Variants in ASCC3 observed in about 807,000 individuals in gnomAD.
ASCC3 encodes the protein activating signal cointegrator 1 complex subunit 3.
Under a neutral mutation model 256.3 loss-of-function variants are expected in ASCC3, and 158 were observed. The ratio of observed to expected loss-of-function variants is 0.62; its 90% CI spans 0.54 to 0.70. The LOEUF (loss-of-function observed/expected upper bound fraction) is 0.70. ASCC3 is among the 30% of genes least tolerant of loss of function. ASCC3 has a pLI of 0.00. For synonymous variants in ASCC3, 948 were observed against 883.4 expected, an observed-to-expected ratio of 1.07 and a Z score of -1.30; for missense variants, 2,259 against 2,626.0, an observed-to-expected ratio of 0.86 and a Z score of 3.05.
At chr6:100,714,518 C>T (rs1778998616) in intron 13 of ASCC3, among the ~76,000 whole-genome samples, 1 of 152,028 alleles carries the variant, frequency 6.6e-6, no homozygotes, top group African/African-American at 2.4e-5. Flanking sequence ...ACTCCATTTT[C>T]CTCATCTGTC....
chr6:100,821,287 A>G (rs1418280350), intron 4 of ASCC3, among the ~76,000 whole-genome samples: 1 of 152,204 alleles, frequency 6.6e-6, no homozygotes, highest in Non-Finnish European at 1.5e-5. Flanking sequence ...AAGCGCTGGG[A>G]TTATAGGCAT....
intron 2 of ASCC3, among the ~76,000 whole-genome samples, chr6:100,866,507 C>G (rs936396769): frequency 6.6e-6 from 1 of 152,188 alleles, no homozygotes. Context: ...CATATATACC[C>G]TCAAAATTCA....
intron 36 of ASCC3, among the ~76,000 whole-genome samples, chr6:100,552,331 CT>C (rs1409855477): frequency 6.6e-6 from 1 of 151,750 alleles, no homozygotes; most frequent in Non-Finnish European, 1.5e-5. Context: ...AAATATGATT[CT>C]TAAAGTGTTA....
rs1469852677 is a variant in ASCC3, at chr6:100,650,552, C to A, written c.3238G>T (p.Ala1080Ser). 6.2e-7 allele frequency: 1 copy of A among 1,612,522 alleles called. No homozygotes were observed. Among genetic ancestry groups the A allele is most frequent in the South Asian group, 1.1e-5 (1 of 91,046 alleles). ...AAGATACTTACCTGTGCAACATATG[C>A]AGAATCTGATATAAGGGAGAAACTG... ...MDSFSLISDSAYVAQNAARIV... is the reference protein window; with the variant it reads ...MDSFSLISDSSYVAQNAARIV... The change falls in exon 20 of 42, where the codon GCA becomes TCA. Residue 1080 changes from alanine to serine, a missense_variant. Ala to Ser is a moderately conservative substitution (Grantham distance 99). Around this residue, in one of 2 missense-constraint regions of ASCC3, gnomAD observed 1,839 missense variants for 2,206.7 expected, o/e 0.83. Transcript: ENST00000369162.
intron 13 of ASCC3, among the ~76,000 whole-genome samples, chr6:100,690,676 A>G (rs1055489968): frequency 1.3e-5 from 2 of 152,162 alleles, no homozygotes; most frequent in African/African-American, 4.8e-5. Flanking sequence ...GGGTTAATTT[A>G]TGCTGCCCTA....
chr6:100,846,361 T>C (rs562279819), intron 4 of ASCC3, among the ~76,000 whole-genome samples: 3 of 152,328 alleles, frequency 2.0e-5, no homozygotes, highest in African/African-American at 7.2e-5. Flanking sequence ...ATGACAATGA[T>C]TGTCCATTTT....
chr6:100,570,115 T>G (rs1482673998), intron 36 of ASCC3, among the ~76,000 whole-genome samples: 2 of 152,180 alleles, frequency 1.3e-5, no homozygotes, highest in East Asian at 3.9e-4. Context: ...TGTTACTGAT[T>G]TTTGTACACT....
At chr6:100,758,054 A>G (rs1781264475) in intron 10 of ASCC3, among the ~76,000 whole-genome samples, 1 of 152,126 alleles carries the variant, frequency 6.6e-6, no homozygotes, top group Non-Finnish European at 1.5e-5. Context: ...ATCGGCTACC[A>G]TCCCACCCAG....
chr6:100,683,567 C>G (rs1485345178), intron 13 of ASCC3, among the ~76,000 whole-genome samples: 4 of 151,866 alleles, frequency 2.6e-5, no homozygotes, highest in Non-Finnish European at 4.4e-5. Flanking sequence ...GGTTAATTAA[C>G]TTAAATAGAC....
chr6:100,510,055 T>C lies in ASCC3; in HGVS notation c.6338A>G (p.Glu2113Gly). The change falls in exon 41 of 42, where the codon GAA becomes GGA. Residue 2113 changes from glutamate (E) to glycine (G), a missense_variant. Glu to Gly is a moderately conservative substitution (Grantham distance 98). This residue lies in a region of ASCC3 where 1,839 missense variants were observed against 2,206.7 expected (regional missense o/e 0.83). Coordinates refer to ENST00000369162, the MANE Select transcript of ASCC3 (RefSeq NM_006828.4). The stretch of plus-strand genomic sequence containing the variant: ...TTCTCCTAATATCAAAAACCATCCT[T>C]CGTCTTTTGATTTGGGAAATCGAGG... ...VTPRFPKSKD[E>G]GWFLILGEVD... 6.2e-7 allele frequency: 1 copy of C among 1,614,186 alleles called. No individual in the cohort carries two copies. The highest frequency in any genetic ancestry group is 8.5e-7 in the Non-Finnish European group (1 of 1,180,020).
chr6:100,871,953 G>C (rs1773763477), intron 1 of ASCC3, among the ~76,000 whole-genome samples: 1 of 152,182 alleles, frequency 6.6e-6, no homozygotes, highest in Non-Finnish European at 1.5e-5. Context: ...AGGAAGTAAG[G>C]TATACAATGG....
At chr6:100,776,293 TC>T (rs939514512) in intron 8 of ASCC3, among the ~76,000 whole-genome samples, 1 of 152,144 alleles carries the variant, frequency 6.6e-6, no homozygotes, top group Non-Finnish European at 1.5e-5. Context: ...TGATCATTTA[TC>T]TTAAGTGCTT....
At chr6:100,707,479 T>C (rs1324398358) in intron 13 of ASCC3, among the ~76,000 whole-genome samples, 2 of 152,054 alleles carry the variant, frequency 1.3e-5, no homozygotes, top group Non-Finnish European at 1.5e-5. Context: ...CCAGTGATTA[T>C]TTTTTCCCCT....
At chr6:100,581,077 A>C (rs1771217512) in intron 36 of ASCC3, among the ~76,000 whole-genome samples, 1 of 152,072 alleles carries the variant, frequency 6.6e-6, no homozygotes, top group Non-Finnish European at 1.5e-5. Context: ...CATGATTTAT[A>C]GTCCTTTGGG....
At chr6:100,866,072 C>A (rs11155720) in intron 2 of ASCC3, among the ~76,000 whole-genome samples, 101,650 of 151,740 alleles carry the variant, frequency 0.67, 34,338 homozygotes, top group East Asian at 0.7. Flanking sequence ...CAGGTTCAAG[C>A]AATTCTCCTG....
In ASCC3 at chr6:100,736,321, G is replaced by T. The variant is rs188747764; in HGVS notation, c.1738-10618C>A. Among the ~76,000 whole-genome samples, 115 of 152,168 alleles carry T rather than the reference G, an allele frequency of 7.6e-4. 1 individual carries two copies. The East Asian group carries it at 0.018, about 24-fold the overall frequency. On this transcript the variant is annotated intron_variant, in intron 10 of 41. Coordinates refer to ENST00000369162, the MANE Select transcript of ASCC3 (RefSeq NM_006828.4). ...AGATCGAGACCATCCTGGCCAACAT[G>T]GTGAAACCCCATCTCTACTAAAAAT...
intron 34 of ASCC3, among the ~76,000 whole-genome samples, chr6:100,599,926 G>T (rs1263318723): frequency 6.6e-6 from 1 of 152,018 alleles, no homozygotes; most frequent in Non-Finnish European, 1.5e-5. Context: ...AATTAATACA[G>T]AATTAGAATG....
Position 100,589,512 on chromosome 6 carries a change from G to T in ASCC3, c.5550+122C>A, listed in dbSNP as rs1310813949. 5.2e-6 allele frequency: 6 copies of T among 1,149,544 alleles called. 1 individual carries two copies. The highest frequency in any genetic ancestry group is 7.5e-6 in the Non-Finnish European group (6 of 801,540). The allele number at this position is 1,149,544 out of a possible 1,614,324, so 71.2% of individuals were successfully genotyped here. ...TAGTCTAGATGTGTTGCTTTGTAGTGACCTTGTTTGACAGAGGAAAGGGCT... is the reference window on the plus strand; with the variant it reads ...TAGTCTAGATGTGTTGCTTTGTAGTTACCTTGTTTGACAGAGGAAAGGGCT... On this transcript the variant is annotated intron_variant, in intron 36 of 41. Transcript: ENST00000369162.
intron 4 of ASCC3, among the ~76,000 whole-genome samples, chr6:100,828,697 G>A (rs1482654790): frequency 6.6e-6 from 1 of 152,120 alleles, no homozygotes; most frequent in Non-Finnish European, 1.5e-5. Flanking sequence ...CAGTGGGTTC[G>A]TGGTCTGGCT....
Sources: gnomAD v4.1 joint callset for allele counts (sites outside exome capture counted in the v4.1 genomes callset) on GRCh38, gnomAD v4.1.1 for gene constraint, gnomAD v4.1.1 regional missense constraint, MANE v1.5 for transcripts, NCBI Gene and HGNC (gene_info 2026-07-23, HGNC 2026-07-21) for gene names.